Variants in MSRB3 observed in about 807,000 individuals in gnomAD.
MSRB3 encodes the protein methionine sulfoxide reductase B3.
A neutral mutation model predicts 21.0 loss-of-function variants in MSRB3; 13 were observed. The observed-to-expected ratio is 0.62, with a 90% confidence interval of 0.40 to 0.98. MSRB3 has a LOEUF of 0.98. Ranked by LOEUF, MSRB3 falls within the 50% of genes least tolerant of loss-of-function variation. The probability of loss-of-function intolerance (pLI) is 0.00; values close to 1 mark genes in which losing one functional copy is unlikely to be tolerated. For missense variants in MSRB3, 199 were observed against 230.3 expected, an observed-to-expected ratio of 0.86 and a Z score of 0.88; for synonymous variants, 87 against 88.6, an observed-to-expected ratio of 0.98 and a Z score of 0.10.
intron 4 of MSRB3, among the ~76,000 whole-genome samples, chr12:65,344,630 G>A (rs571682979): frequency 6.6e-6 from 1 of 152,090 alleles, no homozygotes; most frequent in Admixed American, 6.6e-5. Context: ...CACCAAGACA[G>A]CTTTGTAACA....
intron 5 of MSRB3, chr12:65,419,435 G>A: frequency 2.7e-6 from 2 of 748,906 alleles, no homozygotes; most frequent in Non-Finnish European, 4.9e-6. Context: ...AGCTGCAGCT[G>A]AGTGACACTG....
intron 2 of MSRB3, among the ~76,000 whole-genome samples, chr12:65,319,951 G>A (rs190219345): frequency 2.3e-3 from 356 of 152,222 alleles, no homozygotes; most frequent in Middle Eastern, 6.8e-3. Flanking sequence ...CAAACCTTCA[G>A]TATGAGAACC....
At chr12:65,414,814 T>C (rs1040423026) in intron 5 of MSRB3, among the ~76,000 whole-genome samples, 4 of 152,126 alleles carry the variant, frequency 2.6e-5, no homozygotes, top group Admixed American at 6.5e-5. Flanking sequence ...ATTGCAGCAA[T>C]TAAAATGAGG....
intron 4 of MSRB3, among the ~76,000 whole-genome samples, chr12:65,331,905 T>C (rs1481284174): frequency 6.6e-6 from 1 of 152,208 alleles, no homozygotes; most frequent in Non-Finnish European, 1.5e-5. Context: ...GCATGGGCTG[T>C]GGGATCTGGA....
chr12:65,417,692 T>G (rs899556473), intron 5 of MSRB3, among the ~76,000 whole-genome samples: 1 of 152,150 alleles, frequency 6.6e-6, no homozygotes, highest in East Asian at 1.9e-4. Flanking sequence ...TTTTTGTGAG[T>G]TGAAATTTAT....
intron 4 of MSRB3, among the ~76,000 whole-genome samples, chr12:65,330,070 C>A (rs773854041): frequency 3.3e-5 from 5 of 152,168 alleles, no homozygotes; most frequent in Non-Finnish European, 7.3e-5. Context: ...TTGTTAATAT[C>A]CCAAATGGTA....
intron 5 of MSRB3, among the ~76,000 whole-genome samples, chr12:65,449,014 C>T (rs1882739786): frequency 6.6e-6 from 1 of 152,042 alleles, no homozygotes; most frequent in Admixed American, 6.6e-5. Context: ...ATACCTGAAG[C>T]ATCAGTTAAG....
At chr12:65,416,846 C>T (rs1200304268) in intron 5 of MSRB3, among the ~76,000 whole-genome samples, 2 of 152,126 alleles carry the variant, frequency 1.3e-5, no homozygotes, top group Admixed American at 6.5e-5. Context: ...AACGTGAAGG[C>T]CTACAGTTGC....
Position 65,463,399 on chromosome 12 carries a change from A to T in MSRB3, c.*77A>T. Reference sequence around the variant, plus strand: ...AAAATCAAAATTGTTATCTTAATAGATATATTTTTTCAAAAACTATAAGGG... The same window carrying T: ...AAAATCAAAATTGTTATCTTAATAGTTATATTTTTTCAAAAACTATAAGGG... On this transcript the variant is annotated 3_prime_UTR_variant, in exon 7 of 7. Coordinates refer to ENST00000308259, the MANE Select transcript of MSRB3 (RefSeq NM_001031679.3). The T allele has an allele frequency of 6.6e-7, 1 of 1,523,082 alleles. No homozygotes were observed. The highest frequency in any genetic ancestry group is 8.9e-7 in the Non-Finnish European group (1 of 1,124,360). 94.3% of individuals were successfully genotyped at this position (1,523,082 alleles called of 1,614,324 possible). A position where few individuals can be genotyped will look rare whatever the true frequency, so the allele number is the denominator to read the frequency against.
chr12:65,289,990 G>T (rs1162056020), intron 1 of MSRB3, among the ~76,000 whole-genome samples: 1 of 151,934 alleles, frequency 6.6e-6, no homozygotes. Context: ...CTAAAACTTA[G>T]CATTTATTAT....
intron 6 of MSRB3, among the ~76,000 whole-genome samples, chr12:65,461,137 C>T (rs1883312383): frequency 6.6e-6 from 1 of 152,080 alleles, no homozygotes; most frequent in Non-Finnish European, 1.5e-5. Context: ...GCCAAGTGAT[C>T]CAAGTGCTGG....
chr12:65,285,002 C>T (rs903936218), intron 1 of MSRB3: 2 of 152,162 alleles, frequency 1.3e-5, no homozygotes, highest in Non-Finnish European at 2.9e-5. Flanking sequence ...CATTGTGTCT[C>T]ACACTCCTCC....
At chr12:65,360,788 C>G (rs1162786575) in intron 4 of MSRB3, among the ~76,000 whole-genome samples, 1 of 152,172 alleles carries the variant, frequency 6.6e-6, no homozygotes, top group Non-Finnish European at 1.5e-5. Flanking sequence ...TCCAGGTCTT[C>G]TGATTCTTAC....
chr12:65,367,660 C>T (rs954464427), intron 4 of MSRB3, among the ~76,000 whole-genome samples: 2 of 152,060 alleles, frequency 1.3e-5, no homozygotes, highest in African/African-American at 4.8e-5. Flanking sequence ...GGTGGAAACA[C>T]AGGGGAGGGC....
At chr12:65,355,392 G>A (rs1196789669) in intron 4 of MSRB3, among the ~76,000 whole-genome samples, 2 of 151,706 alleles carry the variant, frequency 1.3e-5, no homozygotes, top group South Asian at 2.1e-4. Context: ...AGTCCATTAA[G>A]GTCAAACCAG....
chr12:65,352,569 T>C (rs1229864282), intron 4 of MSRB3, among the ~76,000 whole-genome samples: 8 of 151,648 alleles, frequency 5.3e-5, no homozygotes, highest in Non-Finnish European at 8.8e-5. Flanking sequence ...AAAACCCCAT[T>C]GTCTCAGCCC....
chr12:65,348,088 T>A (rs1876653681), intron 4 of MSRB3, among the ~76,000 whole-genome samples: 1 of 152,236 alleles, frequency 6.6e-6, no homozygotes, highest in African/African-American at 2.4e-5. Context: ...ATCAGGATGA[T>A]GCTGGCCTCA....
intron 4 of MSRB3, among the ~76,000 whole-genome samples, chr12:65,350,833 A>G (rs201016143): frequency 0.16 from 23,258 of 143,220 alleles, 2,066 homozygotes; most frequent in Non-Finnish European, 0.2. Flanking sequence ...TGACCTACAA[A>G]GAGACTTAGA....
Position 65,453,769 on chromosome 12 carries a change from A to G in MSRB3, c.334A>G (p.Thr112Ala), listed in dbSNP as rs1173448197. The change falls in exon 6 of 7, where the codon ACA (threonine) becomes GCA (alanine). Residue 112 changes from threonine to alanine, a missense_variant. Coordinates refer to ENST00000308259, the MANE Select transcript of MSRB3 (RefSeq NM_001031679.3). The part of the protein sequence containing the change: ...FHDVINSEAI[T>A]FTDDFSYGMH... ...CGATGTGATCAATTCTGAGGCAATC[A>G]CATTCACAGATGACTTTTCCTATGG... The G allele has an allele frequency of 1.9e-6, 3 of 1,614,138 alleles. No homozygotes were observed. Among genetic ancestry groups the G allele is most frequent in the Non-Finnish European group, 2.5e-6 (3 of 1,180,026 alleles).
Sources: gnomAD v4.1 joint callset for allele counts (sites outside exome capture counted in the v4.1 genomes callset) on GRCh38, gnomAD v4.1.1 for gene constraint, MANE v1.5 for transcripts, NCBI Gene and HGNC (gene_info 2026-07-23, HGNC 2026-07-21) for gene names.